Variants in C13orf46 observed in about 807,000 individuals in gnomAD.
C13orf46 encodes the protein uncharacterized protein C13orf46.
chr13:113,964,793 G>A (rs2052620319), intron 6 of C13orf46, 134 bp downstream of exon 6: 1 of 152,240 alleles, frequency 6.6e-6, no homozygotes, highest in Admixed American at 6.5e-5. Context: ...CCTCGGCAGT[G>A]CCCAGGGAGA....
At chr13:113,960,436 C>T (rs983518292) in intron 6 of C13orf46, among the ~76,000 whole-genome samples, 4 of 152,184 alleles carry the variant, frequency 2.6e-5, no homozygotes, top group Non-Finnish European at 5.9e-5. Context: ...ATCTCAGAAA[C>T]TCAGCTTCTG....
the C13orf46 span, among the ~76,000 whole-genome samples, chr13:113,930,357 TGGGGGCGCAGGAGCACCGAGGC>T: frequency 0.039 from 3,211 of 83,402 alleles, 64 homozygotes; most frequent in African/African-American, 0.11. Context: ...AGCACCGAGG[TGGGGGCGCAGGAGCACCGAGGC>T]GGGGGCGCAG....
the C13orf46 span, among the ~76,000 whole-genome samples, chr13:113,945,863 A>G: frequency 2.0e-5 from 3 of 152,074 alleles, no homozygotes; most frequent in Admixed American, 1.3e-4. Flanking sequence ...AGTCTTATCC[A>G]GGCCATGTGA....
At chr13:113,927,300 A>G in the C13orf46 span, 2 of 373,724 alleles carry the variant, frequency 5.4e-6, no homozygotes, top group East Asian at 7.6e-5. Context: ...TATGTGGGAC[A>G]GGCTCCTCGC....
downstream of C13orf46, among the ~76,000 whole-genome samples, chr13:113,951,134 A>G (rs992486559): frequency 6.6e-6 from 1 of 152,074 alleles, no homozygotes; most frequent in Admixed American, 6.5e-5. Context: ...AGCCTCTATG[A>G]GGTGATCATC....
the C13orf46 span, among the ~76,000 whole-genome samples, chr13:113,937,224 T>C: frequency 1.3e-5 from 2 of 152,332 alleles, no homozygotes; most frequent in Admixed American, 1.3e-4. Flanking sequence ...TTCATGCCTG[T>C]GGCATCCCCG....
At chr13:113,964,598 C>T (rs980566074) in intron 6 of C13orf46, among the ~76,000 whole-genome samples, 3 of 152,348 alleles carry the variant, frequency 2.0e-5, no homozygotes, top group Admixed American at 6.5e-5. Flanking sequence ...CACCTCTCCC[C>T]CCTCCTTCCT....
the C13orf46 span, chr13:113,926,955 C>CT: frequency 6.6e-6 from 1 of 152,238 alleles, no homozygotes; most frequent in African/African-American, 2.4e-5. Context: ...CCTCTCAGGG[C>CT]TTTTGAGGCC....
At chr13:113,940,061 A>G in the C13orf46 span, among the ~76,000 whole-genome samples, 150,622 of 152,316 alleles carry the variant, frequency 0.99, 74,481 homozygotes, top group East Asian at 1. Flanking sequence ...GCCACCTCAG[A>G]GGCCCCAAGA....
intron 2 of C13orf46, among the ~76,000 whole-genome samples, chr13:113,969,219 T>C (rs993263661): frequency 2.1e-4 from 32 of 152,194 alleles, no homozygotes; most frequent in Non-Finnish European, 4.0e-4. Context: ...TCTGCTATGG[T>C]GTGTGGCCAG....
At position 113,964,963 on chromosome 13, in the gene C13orf46, G is replaced by A. The variant is rs1183978774; in HGVS notation, c.536C>T (p.Pro179Leu). Reference sequence around the variant, plus strand: ...CAGATCTTCCACATCCATCTGGGACGGCTTCTCTTCCTTCTTGGCATCGGT... The same window carrying A: ...CAGATCTTCCACATCCATCTGGGACAGCTTCTCTTCCTTCTTGGCATCGGT... The part of the protein sequence containing the change: ...VVTDAKKEEK[P>L]SQMDVEDLSE... Residue 179 changes from proline (P) to leucine (L), a missense_variant, in exon 6 of 7, where the codon CCG (proline) becomes CTG (leucine). Coordinates refer to ENST00000636427, the MANE Select transcript of C13orf46 (RefSeq NM_001365455.2). 1.3e-5 allele frequency: 2 copies of A among 152,450 alleles called. No homozygotes were observed. The highest frequency in any genetic ancestry group is 2.4e-5 in the African/African-American group (1 of 41,574). 9.4% of individuals were successfully genotyped at this position (152,450 alleles called of 1,614,324 possible).
chr13:113,929,111 C>T, the C13orf46 span, among the ~76,000 whole-genome samples: 8 of 152,248 alleles, frequency 5.3e-5, no homozygotes, highest in South Asian at 8.3e-4. Context: ...GGTCTGGCCT[C>T]GCAGGTCCCC....
chr13:113,929,695 G>T, the C13orf46 span, among the ~76,000 whole-genome samples: 1 of 152,314 alleles, frequency 6.6e-6, no homozygotes, highest in Admixed American at 6.5e-5. Context: ...TGGGTGACCC[G>T]CTGTGCCACA....
chr13:113,929,053 G>A, the C13orf46 span, among the ~76,000 whole-genome samples: 7 of 152,224 alleles, frequency 4.6e-5, no homozygotes, highest in Admixed American at 4.6e-4. Context: ...GGTAATAACC[G>A]CCACGGCCTG....
chr13:113,930,390 G>GC, the C13orf46 span, among the ~76,000 whole-genome samples: 1 of 151,114 alleles, frequency 6.6e-6, no homozygotes, highest in East Asian at 1.9e-4. Flanking sequence ...GGGGGCGCAG[G>GC]AGCACCGAGG....
chr13:113,931,940 C>T, the C13orf46 span, among the ~76,000 whole-genome samples: 1 of 152,140 alleles, frequency 6.6e-6, no homozygotes, highest in Non-Finnish European at 1.5e-5. Context: ...CAGGCTGGCC[C>T]CTGCCCCGTC....
At chr13:113,950,396 C>T (rs1594239348), downstream of C13orf46, among the ~76,000 whole-genome samples, 1 of 144,146 alleles carries the variant, frequency 6.9e-6, no homozygotes, top group African/African-American at 2.6e-5. Flanking sequence ...AGAATATGGT[C>T]ATCACCCCCA....
chr13:113,927,199 G>A, the C13orf46 span: 5 of 229,344 alleles, frequency 2.2e-5, no homozygotes, highest in East Asian at 8.1e-5. Flanking sequence ...CTTCACCAAC[G>A]GGGACAGCAG....
chr13:113,930,587 C>T, the C13orf46 span, among the ~76,000 whole-genome samples: 34 of 152,298 alleles, frequency 2.2e-4, 1 homozygote, highest in African/African-American at 4.6e-4. Context: ...TGAGCCCCCA[C>T]GAGCATCCAA....
Sources: gnomAD v4.1 joint callset for allele counts (sites outside exome capture counted in the v4.1 genomes callset) on GRCh38, gnomAD v4.1.1 for gene constraint, MANE v1.5 for transcripts, NCBI Gene and HGNC (gene_info 2026-07-23, HGNC 2026-07-21) for gene names.